Variants in MLXIP observed in about 807,000 individuals in gnomAD.
MLXIP encodes the protein MLX-interacting protein.
In MLXIP, 30 loss-of-function variants were observed where a neutral mutation model predicts 87.2. The observed-to-expected ratio is 0.34, with a 90% CI of 0.26 to 0.47. The LOEUF (loss-of-function observed/expected upper bound fraction) is 0.47, where lower values mean the gene tolerates loss of function less well. Ranked by LOEUF, MLXIP falls within the 20% of genes least tolerant of loss-of-function variation. The pLI, the probability that MLXIP is intolerant of heterozygous loss-of-function variation, is 1.00. For synonymous variants in MLXIP, 530 were observed against 514.0 expected, an observed-to-expected ratio of 1.03 and a Z score of -0.42; for missense variants, 1,002 against 1,240.1, an observed-to-expected ratio of 0.81 and a Z score of 2.88.
In MLXIP at chr12:122,135,593, G is replaced by A. The variant is rs372778175; in HGVS notation, c.1959G>A (p.Ala653=). 74 of 1,587,588 alleles carry A rather than the reference G, an allele frequency of 4.7e-5. No homozygotes were observed. The highest frequency in any genetic ancestry group is 9.1e-5 in the East Asian group (4 of 43,742). Residue 653 remains alanine (A), a synonymous_variant, in exon 11 of 17, where the codon GCG becomes GCA. Transcript: ENST00000319080. The surrounding 1 kb of genome is among the most constrained non-coding windows in gnomAD (Gnocchi z 5.3). ...APVSRLFPST[A]QDPLGKGEQV... ...TCTCCCGGCTCTTCCCAAGCACAGC[G>A]CAAGACCCCCTGGGGAAGGGCGAGC...
intron 1 of MLXIP, among the ~76,000 whole-genome samples, chr12:122,097,856 C>CT (rs1555227878): frequency 6.6e-6 from 1 of 151,788 alleles, no homozygotes; most frequent in Non-Finnish European, 1.5e-5. Flanking sequence ...TCCCCCTCCC[C>CT]ACAAGAAACC....
chr12:122,136,459 C>CAAAAAAAAA lies in MLXIP; in HGVS notation c.2032+808_2032+816dup, dbSNP rs1224302321. 6.5e-3 allele frequency: 179 copies of CAAAAAAAAA among 27,466 alleles called. 2 individuals are homozygous for CAAAAAAAAA. Among genetic ancestry groups the CAAAAAAAAA allele is most frequent in the East Asian group, 8.9e-3 (9 of 1,014 alleles). The allele number at this position is 27,466 out of a possible 1,614,324, so 1.7% of individuals were successfully genotyped here. On this transcript the variant is annotated intron_variant, in intron 11 of 16. Coordinates refer to ENST00000319080, the MANE Select transcript of MLXIP (RefSeq NM_014938.6). The stretch of plus-strand genomic sequence containing the variant: ...GAAACCTTGTCCCTATCAAAAAATG[C>CAAAAAAAAA]AAAAAAAAAAAAAAAAAAAAAAAGC...
At position 122,147,148 on chromosome 12, in the gene MLXIP, T is replaced by A. The variant is rs1340181304; in HGVS notation, c.*5336T>A. On this transcript the variant is annotated 3_prime_UTR_variant, in exon 17 of 17. Transcript: ENST00000319080. ...GCTCCTTTGAAGAGATGGTTCCACC[T>A]CGTGGTCTGAAGAACAAACCAGAGA... 6.6e-6 allele frequency: 1 copy of A among 152,182 alleles called. No individual in the cohort carries two copies. The highest frequency in any genetic ancestry group is 1.5e-5 in the Non-Finnish European group (1 of 68,040). 9.4% of individuals were successfully genotyped at this position (152,182 alleles called of 1,614,324 possible). A position where few individuals can be genotyped will look rare whatever the true frequency, so the allele number is the denominator to read the frequency against.
chr12:122,094,790 GTGT>G (rs1425522984), intron 1 of MLXIP, among the ~76,000 whole-genome samples: 1 of 143,448 alleles, frequency 7.0e-6, no homozygotes, highest in Admixed American at 6.9e-5. Flanking sequence ...TGTGGGGTGT[GTGT>G]TATGTGTGTG....
chr12:122,129,062 A>C (rs1458438910), intron 3 of MLXIP, 75 bp from the exon 4 acceptor site: 2 of 1,238,562 alleles, frequency 1.6e-6, no homozygotes, highest in African/African-American at 3.0e-5. Flanking sequence ...ATAGTGCCGG[A>C]TACTCAGTAC....
At chr12:122,129,082 G>A in intron 3 of MLXIP, 55 bp from the exon 4 acceptor site, 1 of 1,442,776 alleles carries the variant, frequency 6.9e-7, no homozygotes, top group Non-Finnish European at 9.6e-7. Flanking sequence ...CACCAGTTGA[G>A]CTTTGCTAAT....
chr12:122,143,565 C>T lies in MLXIP; in HGVS notation c.*1753C>T, dbSNP rs1953247888. The T allele has an allele frequency of 6.6e-6, 1 of 152,276 alleles. No homozygotes were observed. Among genetic ancestry groups the T allele is most frequent in the South Asian group, 2.1e-4 (1 of 4,828 alleles). 9.4% of individuals were successfully genotyped at this position (152,276 alleles called of 1,614,324 possible). ...AAGGCATTGTCCCAAAGGCAGAGGC[C>T]ACCGTGGTAGGAATTCCACCAAGGC... On this transcript the variant is annotated 3_prime_UTR_variant, in exon 17 of 17. Coordinates refer to ENST00000319080, the MANE Select transcript of MLXIP (RefSeq NM_014938.6).
intron 1 of MLXIP, among the ~76,000 whole-genome samples, chr12:122,094,344 G>A (rs1389900335): frequency 7.0e-6 from 1 of 142,864 alleles, no homozygotes; most frequent in African/African-American, 2.6e-5. Flanking sequence ...GTGTGTATGG[G>A]TGTGTGTATG....
Position 122,138,815 on chromosome 12 carries a change from C to T in MLXIP, c.2385C>T (p.Ile795=). Residue 795 remains isoleucine (I), a splice_region_variant and synonymous_variant, in exon 15 of 17, where the codon ATC becomes ATT. Transcript: ENST00000319080. ...EEIEELNATI[I]SCQQLLPATG... ...GCTCCCACGGCTCCTGTCATTTCAG[C>T]TCCTGCCAGCAGCTGCTCCCTGCCA... 4.3e-6 allele frequency: 7 copies of T among 1,613,168 alleles called. No homozygotes were observed. Among genetic ancestry groups the T allele is most frequent in the Non-Finnish European group, 5.9e-6 (7 of 1,179,724 alleles).
intron 6 of MLXIP, 61 bp downstream of exon 6, chr12:122,130,173 C>G: frequency 2.0e-6 from 3 of 1,524,186 alleles, no homozygotes; most frequent in Non-Finnish European, 1.8e-6. Flanking sequence ...TGCCAGGCCC[C>G]CTCTGGGCCA....
chr12:122,092,956 G>A (rs1952269336), intron 1 of MLXIP, among the ~76,000 whole-genome samples: 2 of 108,822 alleles, frequency 1.8e-5, no homozygotes, highest in African/African-American at 7.3e-5. Context: ...TGTTTGTGTG[G>A]TGGGGTGTGT....
At chr12:122,079,649 T>C (rs1282070428) in intron 1 of MLXIP, among the ~76,000 whole-genome samples, 1 of 152,254 alleles carries the variant, frequency 6.6e-6, no homozygotes, top group African/African-American at 2.4e-5. Flanking sequence ...CAGGACCACC[T>C]GTTCGGGGTG....
chr12:122,133,986 A>T lies in MLXIP; in HGVS notation c.1731A>T (p.Pro577=). The change falls in exon 9 of 17, where the codon CCA becomes CCT. Residue 577 remains proline, a splice_region_variant and synonymous_variant. Transcript: ENST00000319080. The surrounding 1 kb of genome is among the most constrained non-coding windows in gnomAD (Gnocchi z 4.9). ...SLVLKNARIA[P]AAFSGQPQAV... Reference sequence around the variant, plus strand: ...TGTTGAAGAATGCCCGTATCGCCCCAGGTGAGCCAGGCGGGGAGACTCAGT... The same window carrying T: ...TGTTGAAGAATGCCCGTATCGCCCCTGGTGAGCCAGGCGGGGAGACTCAGT... 1 of 1,594,362 alleles carries T rather than the reference A, an allele frequency of 6.3e-7. No individual in the cohort carries two copies. The highest frequency in any genetic ancestry group is 8.6e-7 in the Non-Finnish European group (1 of 1,169,286).
Position 122,129,632 on chromosome 12 carries a change from G to A in MLXIP, c.738+3G>A. 6.2e-7 allele frequency: 1 copy of A among 1,607,888 alleles called. No homozygotes were observed. Among genetic ancestry groups the A allele is most frequent in the Non-Finnish European group, 8.5e-7 (1 of 1,178,558 alleles). On this transcript the variant is annotated splice_donor_region_variant and intron_variant, in intron 5 of 16. Transcript: ENST00000319080. ...AGGACCTCTCCAGCCTGGTCCAGGT[G>A]GGTGAGCCTGGGAGCTCTGAGGACC... is the stretch of plus-strand genomic sequence containing the variant.
intron 1 of MLXIP, among the ~76,000 whole-genome samples, chr12:122,088,021 C>CACAGTGCA (rs1952193197): frequency 6.6e-6 from 1 of 152,192 alleles, no homozygotes. Flanking sequence ...CTGAGGACAC[C>CACAGTGCA]ACAGTGCACA....
intron 12 of MLXIP, 52 bp from the exon 13 acceptor site, chr12:122,138,142 G>T (rs1953127312): frequency 2.7e-6 from 4 of 1,482,546 alleles, no homozygotes; most frequent in Admixed American, 2.0e-5. Flanking sequence ...AGGAAGGGTG[G>T]ACAGTGTGCC....
intron 1 of MLXIP, 73 bp downstream of exon 1, chr12:122,079,339 G>A: frequency 2.2e-6 from 3 of 1,357,200 alleles, no homozygotes; most frequent in Admixed American, 4.4e-5. Flanking sequence ...GGAGGGAAGG[G>A]CCGCCTGGCA....
chr12:122,134,844 T>C (rs995003608), intron 9 of MLXIP: 4 of 273,424 alleles, frequency 1.5e-5, no homozygotes, highest in Non-Finnish European at 2.9e-5. Flanking sequence ...CTGGCTAATT[T>C]TGTATCTTCA....
rs1299151363 is a variant in MLXIP at position 122,135,719 on chromosome 12, C to T, written c.2032+53C>T. The T allele has an allele frequency of 1.4e-6, 2 of 1,449,154 alleles. No homozygotes were observed. Among genetic ancestry groups the T allele is most frequent in the South Asian group, 2.9e-5 (2 of 69,176 alleles). The allele number at this position is 1,449,154 out of a possible 1,614,324, so 89.8% of individuals were successfully genotyped here. Reference sequence around the variant, plus strand: ...GGGCATCGCAAGGGAAGTAACTGGGCCTGCCGTAGACCATGGGGGGTGCTT... The same window carrying T: ...GGGCATCGCAAGGGAAGTAACTGGGTCTGCCGTAGACCATGGGGGGTGCTT... On this transcript the variant is annotated intron_variant, in intron 11 of 16. Coordinates refer to ENST00000319080, the MANE Select transcript of MLXIP (RefSeq NM_014938.6). This position sits in a 1 kb window ranked among gnomAD's most constrained non-coding sequence, Gnocchi z 5.3.
Sources: gnomAD v4.1 joint callset for allele counts (sites outside exome capture counted in the v4.1 genomes callset) on GRCh38, gnomAD v4.1.1 for gene constraint, Gnocchi (gnomAD v3.1) non-coding constraint, MANE v1.5 for transcripts, NCBI Gene and HGNC (gene_info 2026-07-23, HGNC 2026-07-21) for gene names.